Variants in DPP6 observed in about 807,000 individuals in gnomAD.
DPP6 encodes the protein dipeptidyl peptidase like 6.
A neutral mutation model predicts 122.6 loss-of-function variants in DPP6; 69 were observed. The ratio of observed to expected loss-of-function variants is 0.56; its 90% CI spans 0.46 to 0.69. The LOEUF is 0.69. Ranked by LOEUF, DPP6 falls within the 30% of genes least tolerant of loss-of-function variation. The pLI is 0.00. For synonymous variants in DPP6, 418 were observed against 433.1 expected (o/e 0.97, Z 0.43); for missense variants, 928 against 1,116.9 (o/e 0.83, Z 2.41).
At chr7:154,663,522 G>T in intron 6 of DPP6, among the ~76,000 whole-genome samples, 1 of 40,054 alleles carries the variant, frequency 2.5e-5, no homozygotes, top group Admixed American at 3.6e-4. Context: ...ATGGCGTATC[G>T]GCCGTAGTGT....
intron 1 of DPP6, among the ~76,000 whole-genome samples, chr7:154,036,449 A>C (rs1215622995): frequency 6.8e-6 from 1 of 147,100 alleles, no homozygotes; most frequent in African/African-American, 2.6e-5. Flanking sequence ...AAAGTGGAAG[A>C]AACTGAGCTT....
At chr7:154,796,774 C>T (rs1798073931) in intron 12 of DPP6, among the ~76,000 whole-genome samples, 1 of 152,156 alleles carries the variant, frequency 6.6e-6, no homozygotes, top group Non-Finnish European at 1.5e-5. Context: ...CATTCCAGCA[C>T]TATAGATGCT....
chr7:154,801,580 G>A lies in DPP6; in HGVS notation c.1407+118G>A, dbSNP rs981037896. On this transcript the variant is annotated intron_variant, in intron 13 of 25. Coordinates refer to ENST00000377770, the MANE Select transcript of DPP6 (RefSeq NM_130797.4). ...CGAGGACCCCAAGGAATCTGAAGGT[G>A]GTTCCCGAAGGCAGGGCAGGGCATG... The A allele has an allele frequency of 2.6e-5, 36 of 1,386,418 alleles. No individual in the cohort carries two copies. In the Middle Eastern group the frequency reaches 1.6e-3, roughly 61 times the overall value. The allele number at this position is 1,386,418 out of a possible 1,614,324, so 85.9% of individuals were successfully genotyped here. A position where few individuals can be genotyped will look rare whatever the true frequency, so the allele number is the denominator to read the frequency against.
chr7:154,841,691 A>C (rs1801559116), intron 16 of DPP6, among the ~76,000 whole-genome samples: 1 of 151,792 alleles, frequency 6.6e-6, no homozygotes, highest in Non-Finnish European at 1.5e-5. Context: ...CCCTGTGACT[A>C]TAAAAAGTCA....
intron 1 of DPP6, among the ~76,000 whole-genome samples, chr7:154,060,871 C>T (rs184226866): frequency 0.042 from 5,637 of 132,758 alleles, 134 homozygotes; most frequent in South Asian, 0.076. Context: ...GGACCCACAT[C>T]ACAGAGTGGG....
At chr7:154,250,275 T>C (rs952997852) in intron 1 of DPP6, among the ~76,000 whole-genome samples, 2 of 151,724 alleles carry the variant, frequency 1.3e-5, no homozygotes, top group African/African-American at 4.8e-5. Flanking sequence ...GTCTGAGGGG[T>C]TTTGTCTGTG....
At chr7:154,515,452 G>GTTCCTTCCTACC (rs1826411820) in intron 3 of DPP6, among the ~76,000 whole-genome samples, 2 of 151,978 alleles carry the variant, frequency 1.3e-5, no homozygotes, top group Admixed American at 1.3e-4. Flanking sequence ...CTGTTTCTGA[G>GTTCCTTCCTACC]TTCCTTCCTA....
chr7:154,151,666 T>C (rs181477275), intron 1 of DPP6, among the ~76,000 whole-genome samples: 26 of 152,124 alleles, frequency 1.7e-4, no homozygotes, highest in Non-Finnish European at 2.8e-4. Flanking sequence ...TGAAGTACAG[T>C]GCGTGCGTGC....
At chr7:154,524,077 C>A (rs913845062) in intron 3 of DPP6, among the ~76,000 whole-genome samples, 1 of 152,212 alleles carries the variant, frequency 6.6e-6, no homozygotes, top group Non-Finnish European at 1.5e-5. Flanking sequence ...CATAAACAGG[C>A]TATTTGGTGT....
intron 1 of DPP6, among the ~76,000 whole-genome samples, chr7:154,371,378 CAAAAAAAAAAAA>C (rs1167770083): frequency 8.4e-5 from 4 of 47,704 alleles, no homozygotes; most frequent in Non-Finnish European, 1.3e-4. Flanking sequence ...AACTCTGTCT[CAAAAAAAAAAAA>C]AAAAAAAAAA....
chr7:154,476,714 A>C (rs1822770974), intron 3 of DPP6, among the ~76,000 whole-genome samples: 1 of 152,230 alleles, frequency 6.6e-6, no homozygotes, highest in Non-Finnish European at 1.5e-5. Context: ...TAGTCTTGCT[A>C]AACCCTGGTT....
At chr7:154,135,992 G>A (rs1290731003) in intron 1 of DPP6, among the ~76,000 whole-genome samples, 1 of 152,220 alleles carries the variant, frequency 6.6e-6, no homozygotes, top group Non-Finnish European at 1.5e-5. Flanking sequence ...GTCCACACTT[G>A]CTGTGTGCAT....
chr7:154,109,042 CTCT>C (rs1400144694), intron 1 of DPP6, among the ~76,000 whole-genome samples: 3 of 131,152 alleles, frequency 2.3e-5, no homozygotes, highest in Admixed American at 7.9e-5. Context: ...GTTGAACAGA[CTCT>C]TCTTAATTAT....
At chr7:154,267,234 A>T (rs959529237) in intron 1 of DPP6, among the ~76,000 whole-genome samples, 2 of 151,388 alleles carry the variant, frequency 1.3e-5, no homozygotes, top group Admixed American at 6.6e-5. Flanking sequence ...AGTAAGATAT[A>T]ATAGATTTTC....
chr7:154,685,016 A>T (rs1180440608), intron 7 of DPP6, among the ~76,000 whole-genome samples: 1 of 152,248 alleles, frequency 6.6e-6, no homozygotes, highest in Non-Finnish European at 1.5e-5. Context: ...TAATCAGTCA[A>T]TGGAAAAGCA....
intron 1 of DPP6, among the ~76,000 whole-genome samples, chr7:154,444,490 A>G (rs1819690314): frequency 6.6e-6 from 1 of 152,176 alleles, no homozygotes; most frequent in Admixed American, 6.5e-5. Context: ...ACAATACTCA[A>G]AAGATATCAA....
At chr7:154,083,307 C>T (rs1804166005) in intron 1 of DPP6, among the ~76,000 whole-genome samples, 1 of 152,140 alleles carries the variant, frequency 6.6e-6, no homozygotes, top group Admixed American at 6.5e-5. Context: ...GCCCTCCTTG[C>T]AGAAGAAATA....
chr7:154,318,958 A>C (rs979510541), intron 1 of DPP6, among the ~76,000 whole-genome samples: 1 of 152,194 alleles, frequency 6.6e-6, no homozygotes, highest in Non-Finnish European at 1.5e-5. Context: ...TGTGTTCTTC[A>C]TCCAGCCTAC....
intron 1 of DPP6, among the ~76,000 whole-genome samples, chr7:154,075,532 T>C (rs1450914937): frequency 6.6e-6 from 1 of 151,912 alleles, no homozygotes; most frequent in Non-Finnish European, 1.5e-5. Context: ...TTGGAGACCA[T>C]TATTCTAAGT....
Sources: allele counts gnomAD v4.1 joint callset (sites outside exome capture counted in the v4.1 genomes callset), GRCh38; gene constraint gnomAD v4.1.1; transcripts MANE v1.5; gene names NCBI Gene and HGNC (gene_info 2026-07-23, HGNC 2026-07-21).